The following ARHGAP24 variants were observed in gnomAD, a reference collection of about 807,000 sequenced individuals.
ARHGAP24 encodes the protein rho GTPase-activating protein 24.
In ARHGAP24, 50 loss-of-function variants were observed where a neutral mutation model predicts 76.4. The observed-to-expected ratio is 0.65, with a 90% CI of 0.52 to 0.83. ARHGAP24 has a LOEUF of 0.83. ARHGAP24 is among the 40% of genes least tolerant of loss of function. ARHGAP24 has a pLI of 0.00. For synonymous variants in ARHGAP24, 345 were observed against 323.3 expected, an observed-to-expected ratio of 1.07 and a Z score of -0.72; for missense variants, 930 against 914.2, an observed-to-expected ratio of 1.02 and a Z score of -0.22.
At chr4:85,925,091 T>C (rs1052018590) in intron 4 of ARHGAP24, among the ~76,000 whole-genome samples, 1 of 152,212 alleles carries the variant, frequency 6.6e-6, no homozygotes, top group South Asian at 2.1e-4. Flanking sequence ...GGATTCCTCA[T>C]AGTTATGCAG....
chr4:85,891,191 G>C (rs73833946), intron 3 of ARHGAP24, among the ~76,000 whole-genome samples: 1,624 of 152,256 alleles, frequency 0.011, 28 homozygotes, highest in African/African-American at 0.037. Flanking sequence ...ATTGGGACGA[G>C]AGTAAATTTC....
intron 3 of ARHGAP24, among the ~76,000 whole-genome samples, chr4:85,820,570 C>G (rs1231402329): frequency 6.6e-6 from 1 of 152,080 alleles, no homozygotes; most frequent in Non-Finnish European, 1.5e-5. Flanking sequence ...ATCTGTACAC[C>G]AAGCCCCCAT....
intron 2 of ARHGAP24, among the ~76,000 whole-genome samples, chr4:85,687,639 A>G (rs1723476761): frequency 6.6e-6 from 1 of 152,132 alleles, no homozygotes; most frequent in Admixed American, 6.5e-5. Context: ...TATATACCAT[A>G]TATTCTTTAT....
chr4:85,875,676 T>C (rs543391533), intron 3 of ARHGAP24, among the ~76,000 whole-genome samples: 348 of 131,852 alleles, frequency 2.6e-3, no homozygotes, highest in African/African-American at 9.6e-3. Flanking sequence ...ATAAAATTTA[T>C]ATATAAATAT....
chr4:85,764,049 T>C (rs980656118), intron 3 of ARHGAP24, among the ~76,000 whole-genome samples: 8 of 152,196 alleles, frequency 5.3e-5, no homozygotes, highest in South Asian at 4.1e-4. Context: ...TGTAAGAAAG[T>C]AGATTTTCAA....
intron 3 of ARHGAP24, among the ~76,000 whole-genome samples, chr4:85,890,957 A>T (rs1733854079): frequency 1.3e-5 from 2 of 152,146 alleles, no homozygotes; most frequent in South Asian, 4.1e-4. Context: ...AAGTCTAGGG[A>T]TCGCCTAAAA....
chr4:85,623,498 G>A (rs545445048), intron 2 of ARHGAP24, among the ~76,000 whole-genome samples: 1 of 152,284 alleles, frequency 6.6e-6, no homozygotes, highest in Non-Finnish European at 1.5e-5. Flanking sequence ...CTATAGCCTT[G>A]TAGTATAGTT....
chr4:85,765,645 T>C (rs1018394070), intron 3 of ARHGAP24, among the ~76,000 whole-genome samples: 1 of 152,140 alleles, frequency 6.6e-6, no homozygotes, highest in African/African-American at 2.4e-5. Flanking sequence ...ACTTGAAGTT[T>C]CAGAGGGATA....
chr4:85,783,426 T>C (rs1043741548), intron 3 of ARHGAP24, among the ~76,000 whole-genome samples: 7 of 152,210 alleles, frequency 4.6e-5, no homozygotes, highest in African/African-American at 1.4e-4. Flanking sequence ...CTCATTTGAT[T>C]ATTTCAGAAC....
chr4:85,853,607 G>C (rs947836173), intron 3 of ARHGAP24, among the ~76,000 whole-genome samples: 5 of 152,074 alleles, frequency 3.3e-5, no homozygotes, highest in African/African-American at 1.2e-4. Context: ...CGGCCATCTT[G>C]GAACGGACCT....
intron 3 of ARHGAP24, among the ~76,000 whole-genome samples, chr4:85,912,807 C>G (rs1735158413): frequency 6.6e-6 from 1 of 152,010 alleles, no homozygotes. Flanking sequence ...ACCTTCCTTC[C>G]TTATTTTGCC....
intron 3 of ARHGAP24, chr4:85,722,656 C>A (rs568311727): frequency 6.5e-6 from 1 of 154,516 alleles, no homozygotes; most frequent in Non-Finnish European, 1.5e-5. Context: ...AACCCAGCAA[C>A]AATTCCTCCA....
intron 1 of ARHGAP24, among the ~76,000 whole-genome samples, chr4:85,563,204 C>A (rs183184971): frequency 3.3e-5 from 5 of 152,264 alleles, no homozygotes; most frequent in African/African-American, 1.2e-4. Flanking sequence ...TTGTGGTGAC[C>A]AGCCAACATT....
intron 3 of ARHGAP24, among the ~76,000 whole-genome samples, chr4:85,882,607 G>A (rs1186996857): frequency 2.0e-5 from 3 of 152,062 alleles, no homozygotes; most frequent in African/African-American, 7.2e-5. Context: ...ATTCTATTTT[G>A]TATTCTAGTT....
chr4:85,786,849 A>G (rs181653042), intron 3 of ARHGAP24, among the ~76,000 whole-genome samples: 1 of 152,316 alleles, frequency 6.6e-6, no homozygotes, highest in African/African-American at 2.4e-5. Context: ...TTTTCAGCCC[A>G]GAGAAGTTTT....
At chr4:85,802,679 T>C (rs910426542) in intron 3 of ARHGAP24, among the ~76,000 whole-genome samples, 2 of 152,146 alleles carry the variant, frequency 1.3e-5, no homozygotes, top group Non-Finnish European at 2.9e-5. Flanking sequence ...TAATCCCCGC[T>C]ACTCGGGAGG....
intron 2 of ARHGAP24, among the ~76,000 whole-genome samples, chr4:85,701,358 G>T (rs1190706481): frequency 6.6e-6 from 1 of 152,068 alleles, no homozygotes; most frequent in Non-Finnish European, 1.5e-5. Context: ...GGTGATTTCT[G>T]AGATTTTAGT....
intron 2 of ARHGAP24, among the ~76,000 whole-genome samples, chr4:85,713,078 G>A (rs893694669): frequency 2.0e-5 from 3 of 152,076 alleles, no homozygotes; most frequent in African/African-American, 4.8e-5. Context: ...TGGGCAGATC[G>A]TTTGAGCATA....
intron 3 of ARHGAP24, among the ~76,000 whole-genome samples, chr4:85,750,792 C>T (rs1726233191): frequency 1.3e-5 from 2 of 152,130 alleles, no homozygotes; most frequent in Admixed American, 6.5e-5. Flanking sequence ...GCCACTAGGC[C>T]TGGCACCATT....
Sources: allele counts gnomAD v4.1 joint callset (sites outside exome capture counted in the v4.1 genomes callset), GRCh38; gene constraint gnomAD v4.1.1; transcripts MANE v1.5; gene names NCBI Gene and HGNC (gene_info 2026-07-23, HGNC 2026-07-21).